Variants in KCNIP4 observed in about 807,000 individuals in gnomAD.
KCNIP4 encodes potassium voltage-gated channel interacting protein 4, also known as Kv channel-interacting protein 4.
KCNIP4 carries 12 observed loss-of-function variants against 34.0 expected under a neutral mutation model. That is an observed-to-expected ratio of 0.35 (90% CI 0.23 to 0.57). The LOEUF (loss-of-function observed/expected upper bound fraction) is 0.57, where lower values mean the gene tolerates loss of function less well. KCNIP4 is among the 20% of genes least tolerant of loss of function. The pLI, the probability that KCNIP4 is intolerant of heterozygous loss-of-function variation, is 0.83. For synonymous variants in KCNIP4, 124 were observed against 102.2 expected (o/e 1.21, Z -1.29); for missense variants, 238 against 311.7 (o/e 0.76, Z 1.78).
chr4:21,465,046 G>A (rs1458893738), intron 1 of KCNIP4, among the ~76,000 whole-genome samples: 1 of 152,012 alleles, frequency 6.6e-6, no homozygotes, highest in African/African-American at 2.4e-5. Context: ...GGGATTACTG[G>A]CACAGGTGTA....
At chr4:21,323,346 A>G (rs1714699573) in intron 1 of KCNIP4, among the ~76,000 whole-genome samples, 1 of 151,966 alleles carries the variant, frequency 6.6e-6, no homozygotes, top group Admixed American at 6.6e-5. Flanking sequence ...GCTATCAAAT[A>G]CTAGACCTTA....
At chr4:21,266,130 C>T (rs1315589089) in intron 1 of KCNIP4, among the ~76,000 whole-genome samples, 2 of 152,092 alleles carry the variant, frequency 1.3e-5, no homozygotes, top group Admixed American at 6.6e-5. Context: ...GCAGAAAACC[C>T]AAGTCTTTCC....
At chr4:21,340,635 T>C (rs1716665328) in intron 1 of KCNIP4, among the ~76,000 whole-genome samples, 1 of 151,890 alleles carries the variant, frequency 6.6e-6, no homozygotes, top group Non-Finnish European at 1.5e-5. Flanking sequence ...CTGTAATCAC[T>C]ATATGCCCTG....
At chr4:21,887,248 TG>T (rs1434911447) in intron 1 of KCNIP4, among the ~76,000 whole-genome samples, 2 of 152,120 alleles carry the variant, frequency 1.3e-5, no homozygotes, top group African/African-American at 4.8e-5. Flanking sequence ...TTCTGCAGGC[TG>T]GAAGTCTGAG....
chr4:21,715,250 A>G (rs980580311), intron 1 of KCNIP4, among the ~76,000 whole-genome samples: 9 of 148,980 alleles, frequency 6.0e-5, no homozygotes, highest in Non-Finnish European at 7.4e-5. Flanking sequence ...TCCTACCTCA[A>G]CCTCCCAAGT....
chr4:21,753,416 C>T (rs911633369), intron 1 of KCNIP4, among the ~76,000 whole-genome samples: 2 of 152,126 alleles, frequency 1.3e-5, no homozygotes, highest in Non-Finnish European at 2.9e-5. Flanking sequence ...ATGGAAGATA[C>T]CATGTTTAAA....
Position 21,242,383 on chromosome 4 carries a change from G to A in KCNIP4, c.62-359674C>T, listed in dbSNP as rs551130686. Among the ~76,000 whole-genome samples the A allele has an allele frequency of 1.9e-3, 289 of 151,990 alleles. 1 individual carries two copies. Among genetic ancestry groups the A allele is most frequent in the African/African-American group, 6.6e-3 (274 of 41,486 alleles). The stretch of plus-strand genomic sequence containing the variant: ...TTGAGCAAATACAATGCATTTTTTT[G>A]AGACTGCCTTATCAGCGGTAAGATA... On this transcript the variant is annotated intron_variant, in intron 1 of 8. Coordinates refer to ENST00000382152, the MANE Select transcript of KCNIP4 (RefSeq NM_025221.6).
intron 1 of KCNIP4, among the ~76,000 whole-genome samples, chr4:21,205,648 T>C (rs963569864): frequency 7.9e-5 from 12 of 152,242 alleles, no homozygotes; most frequent in Non-Finnish European, 1.2e-4. Flanking sequence ...TCCTTTGTTA[T>C]ATCTCTCTAA....
chr4:21,537,304 G>A (rs1737260656), intron 1 of KCNIP4, among the ~76,000 whole-genome samples: 1 of 152,136 alleles, frequency 6.6e-6, no homozygotes, highest in South Asian at 2.1e-4. Context: ...GTTGAGGGTG[G>A]CTTTAATGTG....
chr4:21,469,020 C>A (rs1180117646), intron 1 of KCNIP4, among the ~76,000 whole-genome samples: 1 of 151,886 alleles, frequency 6.6e-6, no homozygotes, highest in Non-Finnish European at 1.5e-5. Context: ...ATAAAATACA[C>A]TTTATTCTAT....
intron 1 of KCNIP4, among the ~76,000 whole-genome samples, chr4:21,569,639 G>A (rs973059589): frequency 6.6e-6 from 1 of 152,052 alleles, no homozygotes; most frequent in Non-Finnish European, 1.5e-5. Context: ...CTTGAAGGAT[G>A]TTCTATTAAT....
intron 1 of KCNIP4, among the ~76,000 whole-genome samples, chr4:21,896,879 A>G (rs927722978): frequency 8.5e-5 from 13 of 152,054 alleles, no homozygotes; most frequent in Non-Finnish European, 1.9e-4. Flanking sequence ...AGATTGTGAC[A>G]CTGCATTCCA....
chr4:21,855,652 T>C (rs924832053), intron 1 of KCNIP4: 1 of 151,502 alleles, frequency 6.6e-6, no homozygotes, highest in African/African-American at 2.5e-5. Context: ...CCATATACAA[T>C]TGGCTTCTGG....
chr4:21,500,349 G>A (rs1228042178), intron 1 of KCNIP4, among the ~76,000 whole-genome samples: 2 of 152,012 alleles, frequency 1.3e-5, no homozygotes, highest in Admixed American at 1.3e-4. Context: ...GAGTCAAATG[G>A]CCTGGGTCTT....
chr4:21,344,067 A>G (rs541139671), intron 1 of KCNIP4, among the ~76,000 whole-genome samples: 1 of 152,280 alleles, frequency 6.6e-6, no homozygotes, highest in South Asian at 2.1e-4. Context: ...CAGAGGAGAC[A>G]AAGAACTCAG....
At chr4:21,478,057 A>C in intron 1 of KCNIP4, among the ~76,000 whole-genome samples, 1 of 152,058 alleles carries the variant, frequency 6.6e-6, no homozygotes, top group East Asian at 1.9e-4. Context: ...TTCTGTTCTT[A>C]TTTATTGGAA....
At chr4:21,758,819 G>A (rs1311393469) in intron 1 of KCNIP4, among the ~76,000 whole-genome samples, 1 of 152,128 alleles carries the variant, frequency 6.6e-6, no homozygotes, top group Non-Finnish European at 1.5e-5. Context: ...ATCAGCAGTA[G>A]AGAAATATCC....
chr4:21,304,312 T>G (rs1207358473), intron 1 of KCNIP4, among the ~76,000 whole-genome samples: 5 of 152,112 alleles, frequency 3.3e-5, no homozygotes, highest in Non-Finnish European at 7.4e-5. Flanking sequence ...CAGCCACGCA[T>G]GAAGTCGCGG....
At chr4:20,784,948 C>T (rs908634050) in intron 3 of KCNIP4, among the ~76,000 whole-genome samples, 1 of 152,138 alleles carries the variant, frequency 6.6e-6, no homozygotes, top group Non-Finnish European at 1.5e-5. Flanking sequence ...GGGCATTCCC[C>T]CATTCCAGCA....
Sources: allele counts gnomAD v4.1 joint callset (sites outside exome capture counted in the v4.1 genomes callset), GRCh38; gene constraint gnomAD v4.1.1; transcripts MANE v1.5; gene names NCBI Gene and HGNC (gene_info 2026-07-23, HGNC 2026-07-21).